The following SHF variants were observed in gnomAD, a reference collection of about 807,000 sequenced individuals.
The protein encoded by SHF is SH2 domain-containing adapter protein F.
Under a neutral mutation model 42.4 loss-of-function variants are expected in SHF, and 30 were observed. The observed-to-expected ratio is 0.71, with a 90% CI of 0.53 to 0.96. SHF has a LOEUF of 0.96. Ranked by LOEUF, SHF falls within the 40% of genes least tolerant of loss-of-function variation. The pLI, the probability that SHF is intolerant of heterozygous loss-of-function variation, is 0.00. For missense variants in SHF, 598 were observed against 634.0 expected (o/e 0.94, Z 0.61); for synonymous variants, 264 against 269.9 (o/e 0.98, Z 0.21).
intron 2 of SHF, chr15:45,198,498 G>A: frequency 2.5e-6 from 1 of 396,542 alleles, no homozygotes; most frequent in South Asian, 4.7e-5. Context: ...AGTTTTCAAA[G>A]GAGAGAAACG....
At chr15:45,173,805 G>T in intron 3 of SHF, 89 bp from the exon 4 acceptor site, 1 of 1,399,846 alleles carries the variant, frequency 7.1e-7, no homozygotes, top group Non-Finnish European at 9.8e-7. Context: ...CCAGAGCCAG[G>T]ACACAGGACA....
chr15:45,199,122 T>G lies in SHF; in HGVS notation c.-46-2A>C. On this transcript the variant is annotated splice_acceptor_variant, in intron 1 of 7. Coordinates refer to the SHF transcript ENST00000290894. LOFTEE classifies it low-confidence loss of function (5UTR_SPLICE). ...GCCTCTGTGGAGATTGTGGACACCC[T>G]AGAACCAGGTTCCACGTAGAAAAAA... The G allele has an allele frequency of 1.4e-6, 2 of 1,477,316 alleles. No individual in the cohort carries two copies. Among genetic ancestry groups the G allele is most frequent in the Non-Finnish European group, 1.8e-6 (2 of 1,111,872 alleles). 91.5% of individuals were successfully genotyped at this position (1,477,316 alleles called of 1,614,324 possible). A position where few individuals can be genotyped will look rare whatever the true frequency, so the allele number is the denominator to read the frequency against.
chr15:45,198,073 C>T (rs1030289416), intron 2 of SHF, among the ~76,000 whole-genome samples: 9 of 151,890 alleles, frequency 5.9e-5, no homozygotes, highest in African/African-American at 1.7e-4. Flanking sequence ...GACCCAGAGC[C>T]TCCGTCTCAA....
At chr15:45,176,268 A>G (rs1897803472) in intron 2 of SHF, among the ~76,000 whole-genome samples, 2 of 150,928 alleles carry the variant, frequency 1.3e-5, no homozygotes, top group African/African-American at 4.9e-5. Context: ...CAAACTCATC[A>G]CCTTCTCTAA....
chr15:45,189,236 T>C (rs1898631273), upstream of SHF, among the ~76,000 whole-genome samples: 1 of 143,674 alleles, frequency 7.0e-6, no homozygotes, highest in South Asian at 2.3e-4. Flanking sequence ...AGGAAAGAAA[T>C]AAAGCCAGTT....
intron 1 of SHF, 148 bp from the exon 2 acceptor site, chr15:45,178,454 G>A: frequency 1.0e-6 from 1 of 953,252 alleles, no homozygotes; most frequent in South Asian, 2.1e-5. Context: ...CTCTGAGCTT[G>A]GATGGGGACA....
chr15:45,199,220 T>C (rs1898984523), intron 1 of SHF: 6 of 835,824 alleles, frequency 7.2e-6, no homozygotes, highest in Non-Finnish European at 1.1e-5. Context: ...CTGACAGCCC[T>C]GACTCCTCCT....
Position 45,198,693 on chromosome 15 carries a change from C to A in SHF, c.303+79G>T, listed in dbSNP as rs1374741813. 8 of 1,518,724 alleles carry A rather than the reference C, an allele frequency of 5.3e-6. No individual in the cohort carries two copies. In the Admixed American group the frequency reaches 1.6e-4, roughly 30 times the overall value. The allele number at this position is 1,518,724 out of a possible 1,614,324, so 94.1% of individuals were successfully genotyped here. A position where few individuals can be genotyped will look rare whatever the true frequency, so the allele number is the denominator to read the frequency against. On this transcript the variant is annotated intron_variant, in intron 2 of 7. Transcript: ENST00000290894. ...CGATCACGGCGAGCTACCGGGGACC[C>A]GTAGGGGTTGGCTTCTGATTATCCT...
At chr15:45,175,129 TG>T in intron 3 of SHF, 89 bp downstream of exon 3, 1 of 1,389,968 alleles carries the variant, frequency 7.2e-7, no homozygotes, top group Non-Finnish European at 9.7e-7. Context: ...TGGGCCTCTC[TG>T]GGTTCCTGGG....
chr15:45,177,002 A>C (rs1897847129), intron 2 of SHF, among the ~76,000 whole-genome samples: 6 of 151,530 alleles, frequency 4.0e-5, no homozygotes, highest in African/African-American at 1.5e-4. Flanking sequence ...GCTAGGGTGA[A>C]CCTCCATTCT....
At chr15:45,189,182 G>T (rs112551754), upstream of SHF, among the ~76,000 whole-genome samples, 1,922 of 138,734 alleles carry the variant, frequency 0.014, 53 homozygotes, top group South Asian at 0.05. Context: ...GACAGAGTGA[G>T]ACTCCGTCTC....
chr15:45,187,328 G>T (rs1898475865), intron 1 of SHF, 126 bp downstream of exon 1: 1 of 950,114 alleles, frequency 1.1e-6, no homozygotes, highest in South Asian at 5.5e-5. Flanking sequence ...CCCGGGGTCA[G>T]GGGCTCGCGT....
At chr15:45,186,401 T>TAAA (rs920582927) in intron 1 of SHF, among the ~76,000 whole-genome samples, 1 of 152,064 alleles carries the variant, frequency 6.6e-6, no homozygotes, top group African/African-American at 2.4e-5. Context: ...TCCAATCAAA[T>TAAA]AAAAATGTTC....
At chr15:45,180,114 C>A (rs1898048836) in intron 1 of SHF, among the ~76,000 whole-genome samples, 1 of 152,172 alleles carries the variant, frequency 6.6e-6, no homozygotes, top group Non-Finnish European at 1.5e-5. Flanking sequence ...CATCTCAGAT[C>A]ATCCAATTAC....
chr15:45,196,202 A>C (rs185728969), intron 2 of SHF, among the ~76,000 whole-genome samples: 2 of 151,714 alleles, frequency 1.3e-5, no homozygotes, highest in Non-Finnish European at 2.9e-5. Context: ...GGTTCAAGCA[A>C]TTCTCCTGCC....
chr15:45,194,223 G>A (rs1026023932), intron 2 of SHF, among the ~76,000 whole-genome samples: 2 of 151,674 alleles, frequency 1.3e-5, no homozygotes, highest in Non-Finnish European at 2.9e-5. Flanking sequence ...CCTCCATCAT[G>A]GAGTGAATTT....
chr15:45,187,107 G>A (rs141088471), intron 1 of SHF, among the ~76,000 whole-genome samples: 330 of 152,364 alleles, frequency 2.2e-3, no homozygotes, highest in Non-Finnish European at 3.8e-3. Flanking sequence ...CCATCAACCA[G>A]TGGGGGTTGG....
At chr15:45,178,534 C>CTTTT (rs3067019) in intron 1 of SHF, among the ~76,000 whole-genome samples, 5 of 126,596 alleles carry the variant, frequency 3.9e-5, no homozygotes, top group Admixed American at 8.3e-5. Context: ...TTCCTTCTTT[C>CTTTT]TTTTTTTTTT....
upstream of SHF, chr15:45,188,004 C>A: frequency 9.6e-6 from 1 of 103,656 alleles, no homozygotes; most frequent in Non-Finnish European, 1.6e-5. Flanking sequence ...GGGGCGGGGG[C>A]GGGGGTGGGG....
Sources: gnomAD v4.1 joint callset for allele counts (sites outside exome capture counted in the v4.1 genomes callset) on GRCh38, gnomAD v4.1.1 for gene constraint, MANE v1.5 for transcripts, NCBI Gene and HGNC (gene_info 2026-07-23, HGNC 2026-07-21) for gene names.